Variants in ACOT2 observed in about 807,000 individuals in gnomAD.
ACOT2 encodes the protein acyl-coenzyme A thioesterase 2, mitochondrial.
ACOT2 carries 15 observed loss-of-function variants against 20.1 expected under a neutral mutation model. The observed-to-expected ratio is 0.75, with a 90% CI of 0.50 to 1.15. ACOT2 has a LOEUF of 1.15. Ranked by LOEUF, ACOT2 falls within the 50% of genes most tolerant of loss-of-function variation. The probability of loss-of-function intolerance (pLI) is 0.00; values close to 1 mark genes in which losing one functional copy is unlikely to be tolerated. For synonymous variants in ACOT2, 252 were observed against 268.4 expected, an observed-to-expected ratio of 0.94 and a Z score of 0.60; for missense variants, 479 against 615.3, an observed-to-expected ratio of 0.78 and a Z score of 2.34.
In ACOT2 at chr14:73,569,342, C is replaced by G. The variant is rs765140064; in HGVS notation, c.102C>G (p.Tyr34Ter). ...CTGTCCTTCGAGCGTCCCGGCTGTACCAATGGAGCCTGAAGAGTTCGGCGC... is the reference window on the plus strand; with the variant it reads ...CTGTCCTTCGAGCGTCCCGGCTGTAGCAATGGAGCCTGAAGAGTTCGGCGC... ...SPAVLRASRL[Y>*]QWSLKSSAQF... is the part of the protein sequence containing the mutation. The change falls in exon 1 of 3, where the codon TAC becomes TAG. Residue 34 changes from tyrosine to a stop codon, truncating the protein, a stop_gained. Transcript: ENST00000238651. LOFTEE classifies it high-confidence loss of function. 10 of 1,613,858 alleles carry G rather than the reference C, an allele frequency of 6.2e-6. No individual in the cohort carries two copies. Among genetic ancestry groups the G allele is most frequent in the South Asian group, 3.3e-5 (3 of 91,072 alleles).
At position 73,569,280 on chromosome 14, in the gene ACOT2, G is replaced by A. The variant is rs754876020; in HGVS notation, c.40G>A (p.Val14Ile). 9 of 1,613,792 alleles carry A rather than the reference G, an allele frequency of 5.6e-6. No individual in the cohort carries two copies. In the East Asian group the frequency reaches 8.9e-5, roughly 16 times the overall value. Residue 14 changes from valine to isoleucine, a missense_variant, in exon 1 of 3, where the codon GTT becomes ATT. Coordinates refer to ENST00000238651, the MANE Select transcript of ACOT2 (RefSeq NM_006821.6). ...KLLSPHPHSVVLRSEFKMASS... is the reference protein window; with the variant it reads ...KLLSPHPHSVILRSEFKMASS... ...TCTTTCTCCCCACCCCCATTCAGTT[G>A]TTCTCAGGTCTGAATTCAAAATGGC...
intron 1 of ACOT2, among the ~76,000 whole-genome samples, chr14:73,572,925 C>T (rs1258588840): frequency 1.3e-5 from 2 of 151,140 alleles, no homozygotes; most frequent in Non-Finnish European, 2.9e-5. Context: ...GGGTTACAGG[C>T]GTGAGCCACC....
At position 73,569,325 on chromosome 14, in the gene ACOT2, C is replaced by G. The variant is rs1889659407; in HGVS notation, c.85C>G (p.Arg29Gly). 6.2e-7 allele frequency: 1 copy of G among 1,613,846 alleles called. No individual in the cohort carries two copies. The highest frequency in any genetic ancestry group is 1.3e-5 in the African/African-American group (1 of 74,928). ...AATGGCCTCATCTCCTGCTGTCCTT[C>G]GAGCGTCCCGGCTGTACCAATGGAG... ...FKMASSPAVL[R>G]ASRLYQWSLK... is the part of the protein sequence containing the mutation. Residue 29 changes from arginine (R) to glycine (G), a missense_variant, in exon 1 of 3, where the codon CGA (arginine) becomes GGA (glycine). This residue lies in a region of ACOT2 where 400 missense variants were observed against 395.5 expected (regional missense o/e 1.01). Coordinates refer to ENST00000238651, the MANE Select transcript of ACOT2 (RefSeq NM_006821.6).
Position 73,569,596 on chromosome 14 carries a change from T to C in ACOT2, c.356T>C (p.Leu119Pro), listed in dbSNP as rs541132898. The C allele has an allele frequency of 6.2e-7, 1 of 1,602,146 alleles. No homozygotes were observed. The highest frequency in any genetic ancestry group is 8.5e-7 in the Non-Finnish European group (1 of 1,176,222). ...QAHARYRADT[L>P]GELDLERAPA... ...CACGCGCGCTACCGCGCCGACACTC[T>C]TGGCGAGCTGGACCTGGAGCGCGCG... Residue 119 changes from leucine (L) to proline (P), a missense_variant, in exon 1 of 3, where the codon CTT (leucine) becomes CCT (proline). Physicochemically the swap from Leu to Pro is moderately conservative, Grantham distance 98. Coordinates refer to ENST00000238651, the MANE Select transcript of ACOT2 (RefSeq NM_006821.6).
Position 73,569,794 on chromosome 14 carries a change from C to G in ACOT2, c.554C>G (p.Thr185Arg), listed in dbSNP as rs774582968. Residue 185 changes from threonine to arginine, a missense_variant, in exon 1 of 3, where the codon ACG (threonine) becomes AGG (arginine). Thr to Arg is a moderately conservative substitution (Grantham distance 71, BLOSUM62 -1). Around this residue, in one of 4 missense-constraint regions of ACOT2, gnomAD observed 400 missense variants for 395.5 expected, o/e 1.01. Coordinates refer to ENST00000238651, the MANE Select transcript of ACOT2 (RefSeq NM_006821.6). ...GACCCCGGGCGGCTGCTGTGCCAGACGCGGCACGAGCGCTACTTCCTCCCG... is the reference window on the plus strand; with the variant it reads ...GACCCCGGGCGGCTGCTGTGCCAGAGGCGGCACGAGCGCTACTTCCTCCCG... ...DPDPGRLLCQ[T>R]RHERYFLPPG... 68 of 1,574,120 alleles carry G rather than the reference C, an allele frequency of 4.3e-5. 1 individual carries two copies. The highest frequency in any genetic ancestry group is 3.9e-5 in the Non-Finnish European group (45 of 1,147,974).
intron 1 of ACOT2, among the ~76,000 whole-genome samples, chr14:73,570,700 T>G (rs1324777532): frequency 1.3e-5 from 2 of 151,686 alleles, no homozygotes; most frequent in Non-Finnish European, 2.9e-5. Flanking sequence ...AGGTCAGGAG[T>G]TCGAGACCAG....
At chr14:73,571,438 A>C (rs1210557248) in intron 1 of ACOT2, 2 of 151,724 alleles carry the variant, frequency 1.3e-5, no homozygotes, top group Non-Finnish European at 2.9e-5. Flanking sequence ...GGTGTTTTGC[A>C]TGTGCTTCAT....
At position 73,573,101 on chromosome 14, in the gene ACOT2, T is replaced by C. The variant is rs550251380; in HGVS notation, c.644-287T>C. Among the ~76,000 whole-genome samples the C allele has an allele frequency of 1.6e-4, 25 of 151,924 alleles. 1 individual carries two copies. In the East Asian group the frequency reaches 1.9e-3, roughly 12 times the overall value. ...GAGTGCACTGGAGAGGAATTTGTGC[T>C]CTTCTATGTAGCAGTCTTTCTTTTT... On this transcript the variant is annotated intron_variant, in intron 1 of 2. Coordinates refer to ENST00000238651, the MANE Select transcript of ACOT2 (RefSeq NM_006821.6).
At chr14:73,570,123 T>TTC (rs1555396329) in intron 1 of ACOT2, among the ~76,000 whole-genome samples, 24 of 150,306 alleles carry the variant, frequency 1.6e-4, no homozygotes, top group Non-Finnish European at 2.5e-4. Context: ...TTTTTTTTTT[T>TTC]CCGTCCCTGC....
Position 73,570,976 on chromosome 14 carries a change from CTT to C in ACOT2, c.643+1106_643+1107del, listed in dbSNP as rs369680117. ...TATTTATGTATTGACTAGGAAGCCA[CTT>C]TTTTTTTTTTTTAAATAAGAATTCC... On this transcript the variant is annotated intron_variant, in intron 1 of 2. Coordinates refer to ENST00000238651, the MANE Select transcript of ACOT2 (RefSeq NM_006821.6). Among the ~76,000 whole-genome samples, 10 of 74,346 alleles carry C rather than the reference CTT, an allele frequency of 1.3e-4. 1 individual carries two copies. The highest frequency in any genetic ancestry group is 2.7e-4 in the Non-Finnish European group (9 of 33,774). The allele number at this position is 74,346 out of a possible 152,430, so 48.8% of individuals were successfully genotyped here.
chr14:73,569,684 C>G lies in ACOT2; in HGVS notation c.444C>G (p.Pro148=). The G allele has an allele frequency of 6.2e-7, 1 of 1,609,412 alleles. No individual in the cohort carries two copies. Among genetic ancestry groups the G allele is most frequent in the Non-Finnish European group, 8.5e-7 (1 of 1,178,882 alleles). Residue 148 remains proline, a synonymous_variant, in exon 1 of 3, where the codon CCC becomes CCG. Coordinates refer to ENST00000238651, the MANE Select transcript of ACOT2 (RefSeq NM_006821.6). ...EPMGLLWALE[P]EKPLVRLVKR... ...TGGGGCTGCTCTGGGCCTTGGAGCC[C>G]GAGAAACCTTTGGTGCGGCTGGTGA... is the stretch of plus-strand genomic sequence containing the variant.
In ACOT2 at chr14:73,573,507, T is replaced by C. The variant is rs762833982; in HGVS notation, c.763T>C (p.Tyr255His). The stretch of plus-strand genomic sequence containing the variant: ...TGTGATGGCTCTGGCTTATTATAAC[T>C]ATGAAGACCTCCCCAAGACCATGGA... ...FAVMALAYYN[Y>H]EDLPKTMETL... The change falls in exon 2 of 3, where the codon TAT becomes CAT. Residue 255 changes from tyrosine (Y) to histidine (H), a missense_variant. Physicochemically the swap from Tyr to His is moderately conservative, Grantham distance 83. This residue lies in a region of ACOT2 where 400 missense variants were observed against 395.5 expected (regional missense o/e 1.01). Transcript: ENST00000238651. 1 of 1,613,738 alleles carries C rather than the reference T, an allele frequency of 6.2e-7. No homozygotes were observed.
upstream of ACOT2, chr14:73,569,148 C>G: frequency 6.8e-7 from 1 of 1,459,986 alleles, no homozygotes; most frequent in Non-Finnish European, 9.4e-7. Flanking sequence ...TATATTTGGT[C>G]TGGCTGATCG....
chr14:73,573,649 T>G, intron 2 of ACOT2, 59 bp downstream of exon 2: 1 of 1,601,558 alleles, frequency 6.2e-7, no homozygotes, highest in South Asian at 1.1e-5. Flanking sequence ...TTAAATGGTC[T>G]GGGTTTTCAC....
In ACOT2 at chr14:73,574,036, A is replaced by AT. The variant is rs33994188; in HGVS notation, c.846+459dup. On this transcript the variant is annotated intron_variant, in intron 2 of 2. Coordinates refer to ENST00000238651, the MANE Select transcript of ACOT2 (RefSeq NM_006821.6). ...CCACTATGCCCAGCCTAATATTTGT[A>AT]TTTTTTTTTTTTTAAGTAGAGATGG... Among the ~76,000 whole-genome samples the AT allele has an allele frequency of 3.4e-4, 50 of 148,110 alleles. 1 individual carries two copies. Among genetic ancestry groups the AT allele is most frequent in the South Asian group, 8.6e-4 (4 of 4,650 alleles).
Position 73,569,480 on chromosome 14 carries a change from G to A in ACOT2, c.240G>A (p.Pro80=). The A allele has an allele frequency of 1.9e-6, 3 of 1,612,818 alleles. No homozygotes were observed. The highest frequency in any genetic ancestry group is 2.7e-5 in the African/African-American group (2 of 75,022). The change falls in exon 1 of 3, where the codon CCG becomes CCA. Residue 80 remains proline, a synonymous_variant. Transcript: ENST00000238651. ...EPAGRCCWDE[P]VRIAVRGLAP... ...CGGGCCGCTGCTGCTGGGACGAACC[G>A]GTGCGAATCGCCGTGCGCGGCCTAG...
At chr14:73,574,323 G>A (rs1300391660) in intron 2 of ACOT2, 1 of 158,846 alleles carries the variant, frequency 6.3e-6, no homozygotes, top group Non-Finnish European at 1.4e-5. Flanking sequence ...GGAGTGCAAT[G>A]GCATGATCTC....
At chr14:73,569,912 T>G (rs773947996) in intron 1 of ACOT2, 29 bp downstream of exon 1, 2 of 1,587,710 alleles carry the variant, frequency 1.3e-6, no homozygotes, top group Admixed American at 3.5e-5. Context: ...TTGTTCCGTG[T>G]TCGTTCGCCT....
chr14:73,574,803 CT>C, intron 2 of ACOT2, 104 bp from the exon 3 acceptor site: 1 of 1,583,694 alleles, frequency 6.3e-7, no homozygotes, highest in South Asian at 1.1e-5. Context: ...ATGGTAGAAC[CT>C]AGATTCAGAC....
Sources: gnomAD v4.1 joint callset for allele counts (sites outside exome capture counted in the v4.1 genomes callset) on GRCh38, gnomAD v4.1.1 for gene constraint, gnomAD v4.1.1 regional missense constraint, MANE v1.5 for transcripts, NCBI Gene and HGNC (gene_info 2026-07-23, HGNC 2026-07-21) for gene names.